The following SNED1 variants were observed in gnomAD, a reference collection of about 807,000 sequenced individuals.
SNED1 encodes sushi, nidogen and EGF-like domain-containing protein 1.
Under a neutral mutation model 166.7 loss-of-function variants are expected in SNED1, and 81 were observed. That is an observed-to-expected ratio of 0.49 (90% CI 0.41 to 0.58). The LOEUF is 0.58. Among genes scored for constraint, SNED1 ranks in the 20% least tolerant of loss-of-function variants. The pLI is 0.00. For missense variants in SNED1, 1,604 were observed against 2,000.2 expected (o/e 0.80, Z 3.78); for synonymous variants, 762 against 822.0 (o/e 0.93, Z 1.25).
intron 1 of SNED1, among the ~76,000 whole-genome samples, chr2:241,011,598 A>G (rs1017550660): frequency 6.6e-5 from 10 of 152,204 alleles, no homozygotes; most frequent in African/African-American, 7.2e-5. Context: ...CCACATCTCT[A>G]TGACATGTTT....
chr2:241,058,943 CTG>C (rs1319965400), intron 16 of SNED1, among the ~76,000 whole-genome samples: 23 of 150,470 alleles, frequency 1.5e-4, no homozygotes, highest in Non-Finnish European at 4.4e-5. Flanking sequence ...CAGCAAGACT[CTG>C]TTTCAAAAAA....
At chr2:241,056,722 A>G (rs1228778418) in intron 16 of SNED1, among the ~76,000 whole-genome samples, 1 of 151,708 alleles carries the variant, frequency 6.6e-6, no homozygotes, top group Non-Finnish European at 1.5e-5. Context: ...CTGGGACTAC[A>G]GGCGCCCATC....
intron 1 of SNED1, among the ~76,000 whole-genome samples, chr2:241,008,771 C>T (rs970871937): frequency 2.0e-5 from 3 of 152,266 alleles, no homozygotes; most frequent in Admixed American, 6.5e-5. Context: ...GAAGTCGCCT[C>T]TGGGCTCTGC....
rs1189857768 is a variant in SNED1 at position 240,998,682 on chromosome 2, C to T, written c.-156C>T. Among the ~76,000 whole-genome samples the T allele has an allele frequency of 6.7e-6, 1 of 148,908 alleles. No homozygotes were observed. On this transcript the variant is annotated 5_prime_UTR_variant, in exon 1 of 32. Transcript: ENST00000310397. ...AGCTGCGGCGAGAGCGCGGCCCGGC[C>T]GAACGGGCGCGGGACGCGGAGCCCC...
At chr2:241,056,580 A>AATTTTTTTTT (rs2062046063) in intron 16 of SNED1, among the ~76,000 whole-genome samples, 1 of 111,224 alleles carries the variant, frequency 9.0e-6, no homozygotes, top group African/African-American at 3.9e-5. Flanking sequence ...AATAAGTGAA[A>AATTTTTTTTT]TTTTTTTTTT....
intron 16 of SNED1, among the ~76,000 whole-genome samples, chr2:241,061,243 C>T (rs1414336344): frequency 6.6e-6 from 1 of 151,740 alleles, no homozygotes. Context: ...AGAAGAGATA[C>T]AAAAGGCCAA....
intron 21 of SNED1, 114 bp downstream of exon 21, chr2:241,065,709 C>G: frequency 1.1e-6 from 1 of 895,826 alleles, no homozygotes. Flanking sequence ...GTTCTTGCAG[C>G]AGCAAGACAG....
intron 17 of SNED1, among the ~76,000 whole-genome samples, chr2:241,063,206 T>C (rs192252115): frequency 6.2e-4 from 94 of 152,078 alleles, no homozygotes; most frequent in Non-Finnish European, 1.2e-3. Flanking sequence ...TTCCAGCCAG[T>C]GGAGGGAGGG....
At chr2:241,063,974 C>G (rs189409532) in intron 18 of SNED1, 38 bp from the exon 19 acceptor site, 1 of 1,438,644 alleles carries the variant, frequency 7.0e-7, no homozygotes, top group East Asian at 2.5e-5. Context: ...CCAGACTCCC[C>G]CCTTGCAGCT....
At chr2:241,080,155 G>A (rs528182447) in intron 27 of SNED1, among the ~76,000 whole-genome samples, 345 of 152,116 alleles carry the variant, frequency 2.3e-3, no homozygotes, top group Middle Eastern at 0.01. Flanking sequence ...ATGGTGGTGC[G>A]CGCCTGTAGT....
intron 1 of SNED1, among the ~76,000 whole-genome samples, chr2:241,030,045 G>A (rs1048697176): frequency 4.6e-5 from 7 of 152,244 alleles, no homozygotes; most frequent in Non-Finnish European, 4.4e-5. Context: ...ACAGGGCATC[G>A]GGTACTGCAC....
intron 12 of SNED1, among the ~76,000 whole-genome samples, chr2:241,050,275 G>GA (rs1362382211): frequency 6.6e-6 from 1 of 152,154 alleles, no homozygotes; most frequent in Non-Finnish European, 1.5e-5. Context: ...ATTCAGCATG[G>GA]AAAATGTCGA....
chr2:241,049,860 C>T lies in SNED1; in HGVS notation c.1662C>T (p.Gly554=), dbSNP rs1232842080. ...PCDSDPCFNG[G]SCDAHDDSYT... is the part of the protein sequence containing the mutation. The stretch of plus-strand genomic sequence containing the variant: ...ACTCGGACCCCTGCTTCAACGGAGG[C>T]TCCTGCGATGCCCATGACGACTCCT... Residue 554 remains glycine, a synonymous_variant, in exon 12 of 32, where the codon GGC becomes GGT. Transcript: ENST00000310397. The T allele has an allele frequency of 1.2e-6, 2 of 1,613,866 alleles. No individual in the cohort carries two copies. The highest frequency in any genetic ancestry group is 1.7e-6 in the Non-Finnish European group (2 of 1,179,782).
intron 31 of SNED1, chr2:241,089,026 G>A (rs2063738825): frequency 5.7e-6 from 2 of 351,802 alleles, no homozygotes; most frequent in Non-Finnish European, 5.1e-6. Flanking sequence ...GTTTAAGCCA[G>A]CATTTCCCAA....
intron 28 of SNED1, 55 bp from the exon 29 acceptor site, chr2:241,082,222 G>C (rs1429577679): frequency 1.4e-6 from 2 of 1,421,300 alleles, no homozygotes; most frequent in African/African-American, 2.8e-5. Flanking sequence ...CTCTCAAGAG[G>C]GGCAGGAGGA....
rs2063368532 is a variant in SNED1 at position 241,082,360 on chromosome 2, C to T, written c.4117C>T (p.His1373Tyr). 1 of 1,612,572 alleles carries T rather than the reference C, an allele frequency of 6.2e-7. No individual in the cohort carries two copies. The highest frequency in any genetic ancestry group is 8.5e-7 in the Non-Finnish European group (1 of 1,178,778). ...AGTCTGGGAGGGAGGCGTCTGTCAC[C>T]ACGTGTAAGTTGGTTTCTGTCCTCC... ...FPVWEGGVCHHVYKRVYRVHQ... is the reference protein window; with the variant it reads ...FPVWEGGVCHYVYKRVYRVHQ... Residue 1373 changes from histidine (H) to tyrosine (Y), a missense_variant, in exon 29 of 32, where the codon CAC (histidine) becomes TAC (tyrosine). Physicochemically the swap from His to Tyr is moderately conservative, Grantham distance 83. Transcript: ENST00000310397.
intron 1 of SNED1, among the ~76,000 whole-genome samples, chr2:241,024,932 C>G (rs373400201): frequency 6.6e-6 from 1 of 152,184 alleles, no homozygotes; most frequent in African/African-American, 2.4e-5. Flanking sequence ...CCTCAGCCTC[C>G]CAAAGTGTTG....
rs1179157012 is a variant in SNED1, at chr2:240,998,650, T to C, written c.-188T>C. On this transcript the variant is annotated 5_prime_UTR_variant, in exon 1 of 32. Coordinates refer to ENST00000310397, the MANE Select transcript of SNED1 (RefSeq NM_001080437.3). The stretch of plus-strand genomic sequence containing the variant: ...AACGCGGTCCCGCCCGGCGCTTTCC[T>C]CTGCGGAGCTGCGGCGAGAGCGCGG... Among the ~76,000 whole-genome samples the C allele has an allele frequency of 6.6e-6, 1 of 150,882 alleles. No individual in the cohort carries two copies. The highest frequency in any genetic ancestry group is 1.5e-5 in the Non-Finnish European group (1 of 67,714).
intron 1 of SNED1, among the ~76,000 whole-genome samples, chr2:241,025,774 A>G (rs1048814062): frequency 2.0e-5 from 3 of 152,070 alleles, no homozygotes; most frequent in African/African-American, 7.2e-5. Context: ...TTCTTTTAGC[A>G]CGTTGAAAAT....
Sources: gnomAD v4.1 joint callset for allele counts (sites outside exome capture counted in the v4.1 genomes callset) on GRCh38, gnomAD v4.1.1 for gene constraint, MANE v1.5 for transcripts, NCBI Gene and HGNC (gene_info 2026-07-23, HGNC 2026-07-21) for gene names.